The following FAM20C variants were observed in gnomAD, a reference collection of about 807,000 sequenced individuals.
The protein encoded by FAM20C is FAM20C golgi associated secretory pathway kinase.
A neutral mutation model predicts 51.5 loss-of-function variants in FAM20C; 40 were observed. That is an observed-to-expected ratio of 0.78 (90% CI 0.60 to 1.01). FAM20C has a LOEUF of 1.01. Ranked by LOEUF, FAM20C falls within the 50% of genes least tolerant of loss-of-function variation. The probability of loss-of-function intolerance (pLI) is 0.00; values close to 1 mark genes in which losing one functional copy is unlikely to be tolerated. For missense variants in FAM20C, 861 were observed against 844.7 expected (o/e 1.02, Z -0.24); for synonymous variants, 406 against 380.6 (o/e 1.07, Z -0.78).
At chr7:208,560 G>A (rs1397655254) in intron 2 of FAM20C, among the ~76,000 whole-genome samples, 1 of 123,816 alleles carries the variant, frequency 8.1e-6, no homozygotes, top group Non-Finnish European at 1.9e-5. Context: ...GTACATGGGT[G>A]TGGGTGTGTA....
chr7:236,136 C>T (rs2115128090), intron 3 of FAM20C, among the ~76,000 whole-genome samples: 1 of 152,110 alleles, frequency 6.6e-6, no homozygotes, highest in African/African-American at 2.4e-5. Flanking sequence ...TTTTCCAAAG[C>T]CTTTTTCCCG....
chr7:213,524 A>G (rs1786827286), intron 3 of FAM20C, among the ~76,000 whole-genome samples: 1 of 152,184 alleles, frequency 6.6e-6, no homozygotes, highest in South Asian at 2.1e-4. Flanking sequence ...CCTGTTTTTC[A>G]TGGCTAAGTA....
rs935900317 is a variant in FAM20C, at chr7:206,510, C to T, written c.785-2388C>T. ...GGCCCTGCACACGTGTCCACTGTGA[C>T]GCGTCTGTCATGGTCCCCTCGGCCC... On this transcript the variant is annotated intron_variant, in intron 2 of 9. Coordinates refer to ENST00000313766, the MANE Select transcript of FAM20C (RefSeq NM_020223.4). Among the ~76,000 whole-genome samples, 11 of 142,632 alleles carry T rather than the reference C, an allele frequency of 7.7e-5. No individual in the cohort carries two copies. The South Asian group carries it at 1.1e-3, about 15-fold the overall frequency. The allele number at this position is 142,632 out of a possible 152,430, so 93.6% of individuals were successfully genotyped here.
chr7:247,649 A>G (rs549173479), intron 4 of FAM20C, among the ~76,000 whole-genome samples: 1 of 152,354 alleles, frequency 6.6e-6, no homozygotes, highest in Admixed American at 6.5e-5. Flanking sequence ...TATCTAGAAC[A>G]GCCTGAACCC....
intron 2 of FAM20C, among the ~76,000 whole-genome samples, chr7:198,519 T>C (rs1785986436): frequency 6.6e-6 from 1 of 152,206 alleles, no homozygotes; most frequent in African/African-American, 2.4e-5. Flanking sequence ...TTTTTCTCTG[T>C]TACATTGAAT....
chr7:231,728 C>T (rs953515289), intron 3 of FAM20C, among the ~76,000 whole-genome samples: 6 of 152,170 alleles, frequency 3.9e-5, no homozygotes, highest in East Asian at 1.9e-4. Flanking sequence ...GGGCACCTGG[C>T]GGTGTGTGCA....
At chr7:194,441 A>T (rs953538944) in intron 1 of FAM20C, among the ~76,000 whole-genome samples, 79 of 128,662 alleles carry the variant, frequency 6.1e-4, no homozygotes, top group African/African-American at 2.3e-3. Context: ...CGCCACACAG[A>T]TCAAAACAAG....
intron 3 of FAM20C, among the ~76,000 whole-genome samples, chr7:209,511 G>A (rs1299512879): frequency 1.3e-5 from 2 of 152,136 alleles, no homozygotes; most frequent in African/African-American, 4.8e-5. Context: ...GGCTGGATGT[G>A]GTCCAGTGGA....
chr7:212,964 C>T (rs1786791607), intron 3 of FAM20C, among the ~76,000 whole-genome samples: 1 of 99,180 alleles, frequency 1.0e-5, no homozygotes, highest in Admixed American at 9.4e-5. Flanking sequence ...CTCCTCAACC[C>T]CCTTGTCCGC....
intron 5 of FAM20C, among the ~76,000 whole-genome samples, chr7:255,159 G>A (rs1472320227): frequency 6.6e-6 from 1 of 152,198 alleles, no homozygotes; most frequent in East Asian, 1.9e-4. Context: ...ATCAGTTGGG[G>A]GCTGCAGACC....
chr7:197,253 C>G (rs1386836726), intron 2 of FAM20C: 1 of 167,170 alleles, frequency 6.0e-6, no homozygotes, highest in African/African-American at 2.4e-5. Context: ...AAGAGACACA[C>G]ACGCACAGTG....
intron 3 of FAM20C, among the ~76,000 whole-genome samples, chr7:214,928 C>T (rs568828904): frequency 7.9e-5 from 12 of 152,246 alleles, no homozygotes; most frequent in African/African-American, 1.7e-4. Context: ...CTCGGAGTGC[C>T]GGGCCTGGCC....
intron 3 of FAM20C, among the ~76,000 whole-genome samples, chr7:219,016 T>C (rs1307834283): frequency 6.6e-6 from 1 of 152,152 alleles, no homozygotes; most frequent in East Asian, 1.9e-4. Context: ...AACCTGTTAG[T>C]GGCTCAGACA....
chr7:209,770 T>C (rs73040169), intron 3 of FAM20C, among the ~76,000 whole-genome samples: 3,784 of 152,364 alleles, frequency 0.025, 78 homozygotes, highest in Middle Eastern at 0.054. Context: ...ATATGGATTT[T>C]TTTTTCCTGT....
intron 3 of FAM20C, among the ~76,000 whole-genome samples, chr7:212,676 G>T (rs938232207): frequency 6.6e-6 from 1 of 152,158 alleles, no homozygotes; most frequent in African/African-American, 2.4e-5. Flanking sequence ...ACCAGGGGAA[G>T]TTTTAGGGTC....
chr7:258,817 A>AGGCCCCGAATTCAACCAC, intron 9 of FAM20C, 112 bp downstream of exon 9: 2 of 1,091,148 alleles, frequency 1.8e-6, no homozygotes, highest in Non-Finnish European at 2.6e-6. Context: ...GGGAGAGAAA[A>AGGCCCCGAATTCAACCAC]GGCCCCGAAT....
Position 246,132 on chromosome 7 carries a change from T to C in FAM20C, c.864-283T>C, listed in dbSNP as rs146920577. 0.12 allele frequency: 34,553 copies of C among 282,582 alleles called. 4,900 individuals carry two copies. The highest frequency in any genetic ancestry group is 0.4 in the African/African-American group (16,419 of 40,796). The allele number at this position is 282,582 out of a possible 1,614,324, so 17.5% of individuals were successfully genotyped here. A position where few individuals can be genotyped will look rare whatever the true frequency, so the allele number is the denominator to read the frequency against. On this transcript the variant is annotated intron_variant, in intron 3 of 9. Transcript: ENST00000313766. Reference sequence around the variant, plus strand: ...GAAGGGCCCATGGGGAGCTGGGACCTCCGGCCTCCGTCGCAAGGGCCTGCG... The same window carrying C: ...GAAGGGCCCATGGGGAGCTGGGACCCCCGGCCTCCGTCGCAAGGGCCTGCG...
intron 2 of FAM20C, among the ~76,000 whole-genome samples, chr7:200,770 T>C (rs764025699): frequency 6.6e-5 from 10 of 152,150 alleles, no homozygotes; most frequent in Non-Finnish European, 1.2e-4. Context: ...CTTTGGGCAG[T>C]GCTGATGGGG....
chr7:196,046 G>A (rs776537772), intron 2 of FAM20C, among the ~76,000 whole-genome samples: 23 of 152,340 alleles, frequency 1.5e-4, no homozygotes, highest in Admixed American at 7.8e-4. Flanking sequence ...TCCCTCCTGG[G>A]GTAGAGGAAT....
Sources: allele counts gnomAD v4.1 joint callset (sites outside exome capture counted in the v4.1 genomes callset), GRCh38; gene constraint gnomAD v4.1.1; transcripts MANE v1.5; gene names NCBI Gene and HGNC (gene_info 2026-07-23, HGNC 2026-07-21).